The following EPDR1 variants were observed in gnomAD, a reference collection of about 807,000 sequenced individuals.
The protein encoded by EPDR1 is mammalian ependymin-related protein 1.
In EPDR1, 27 loss-of-function variants were observed where a neutral mutation model predicts 23.7. The observed-to-expected ratio is 1.14, with a 90% CI of 0.84 to 1.57. The LOEUF (loss-of-function observed/expected upper bound fraction) is 1.57. Among genes scored for constraint, EPDR1 ranks in the 40% most tolerant of loss-of-function variants. The pLI is 0.00. For missense variants in EPDR1, 349 were observed against 290.4 expected (o/e 1.20, Z -1.47); for synonymous variants, 137 against 118.2 (o/e 1.16, Z -1.03).
chr7:37,935,210 T>C (rs1302335754), intron 1 of EPDR1, among the ~76,000 whole-genome samples: 1 of 152,190 alleles, frequency 6.6e-6, no homozygotes, highest in Non-Finnish European at 1.5e-5. Context: ...TCAACCTCTA[T>C]ATTGAGAGAC....
At chr7:37,944,358 G>A (rs963036598) in intron 1 of EPDR1, among the ~76,000 whole-genome samples, 1 of 152,222 alleles carries the variant, frequency 6.6e-6, no homozygotes, top group Non-Finnish European at 1.5e-5. Flanking sequence ...GACACAGGTC[G>A]AGATGAAAGA....
At chr7:37,934,945 TA>T (rs35966595) in intron 1 of EPDR1, among the ~76,000 whole-genome samples, 4,114 of 151,132 alleles carry the variant, frequency 0.027, 88 homozygotes, top group East Asian at 0.089. Context: ...ACTTTGTCTT[TA>T]AAAAAAAAGT....
At chr7:37,931,667 G>A (rs1346568170) in intron 1 of EPDR1, among the ~76,000 whole-genome samples, 1 of 151,862 alleles carries the variant, frequency 6.6e-6, no homozygotes, top group Non-Finnish European at 1.5e-5. Flanking sequence ...TGTAGTTTTA[G>A]GGGAACTTTG....
At chr7:37,931,788 T>A (rs1367813469) in intron 1 of EPDR1, among the ~76,000 whole-genome samples, 1 of 152,170 alleles carries the variant, frequency 6.6e-6, no homozygotes, top group Non-Finnish European at 1.5e-5. Context: ...AACCTCCACC[T>A]CCTGGGTTCA....
rs373088558 is a variant in EPDR1, at chr7:37,921,212, C to T, written c.269+4C>T. The T allele has an allele frequency of 3.8e-6, 6 of 1,582,216 alleles. No homozygotes were observed. The South Asian group carries it at 5.6e-5, about 15-fold the overall frequency. ...AGGCGCTGATCCCCTGCAAGAGGTACAGGTCATCGGCCCGCGGGGCGGGAG... is the reference window on the plus strand; with the variant it reads ...AGGCGCTGATCCCCTGCAAGAGGTATAGGTCATCGGCCCGCGGGGCGGGAG... On this transcript the variant is annotated splice_donor_region_variant and intron_variant, in intron 1 of 2. Coordinates refer to ENST00000199448, the MANE Select transcript of EPDR1 (RefSeq NM_017549.5).
chr7:37,949,111 C>G lies in EPDR1; in HGVS notation c.478+63C>G, dbSNP rs1444450946. The stretch of plus-strand genomic sequence containing the variant: ...GCATGATGGGGAAAAAGGTTTAAGT[C>G]CTTTAAGGAAGGTAGTTTTTAGGGA... On this transcript the variant is annotated intron_variant, in intron 2 of 2. Transcript: ENST00000199448. 2.3e-5 allele frequency: 34 copies of G among 1,502,282 alleles called. No individual in the cohort carries two copies. The East Asian group carries it at 7.7e-4, about 34-fold the overall frequency. 93.1% of individuals were successfully genotyped at this position (1,502,282 alleles called of 1,614,324 possible).
intron 1 of EPDR1, among the ~76,000 whole-genome samples, chr7:37,933,377 G>A (rs1785981765): frequency 6.6e-6 from 1 of 152,124 alleles, no homozygotes; most frequent in African/African-American, 2.4e-5. Flanking sequence ...AGTTCTACAT[G>A]GATGGGAAGA....
rs150003640 is a variant in EPDR1, at chr7:37,938,781, G to A, written c.270-10059G>A. Among the ~76,000 whole-genome samples, 362 of 152,246 alleles carry A rather than the reference G, an allele frequency of 2.4e-3. 2 individuals carry two copies. The highest frequency in any genetic ancestry group is 8.4e-3 in the African/African-American group (347 of 41,528). The stretch of plus-strand genomic sequence containing the variant: ...GTGTAAAATTTCCATTGAAGGGTCT[G>A]CTCTTCTCTGCAGCTGATTGGGCCG... On this transcript the variant is annotated intron_variant, in intron 1 of 2. Coordinates refer to ENST00000199448, the MANE Select transcript of EPDR1 (RefSeq NM_017549.5).
In EPDR1 at chr7:37,934,415, G is replaced by T. The variant is rs1293633242; in HGVS notation, c.269+13207G>T. Among the ~76,000 whole-genome samples the T allele has an allele frequency of 3.3e-5, 5 of 151,782 alleles. No individual in the cohort carries two copies. In the East Asian group the frequency reaches 9.7e-4, roughly 29 times the overall value. On this transcript the variant is annotated intron_variant, in intron 1 of 2. Transcript: ENST00000199448. The stretch of plus-strand genomic sequence containing the variant: ...CAGTCAAAGACAGAAAGTGAAGGGA[G>T]TAGCTTCCCTAGAACAAGGACTCTC...
chr7:37,949,062 G>T lies in EPDR1; in HGVS notation c.478+14G>T, dbSNP rs1350084226. 4 of 1,611,904 alleles carry T rather than the reference G, an allele frequency of 2.5e-6. No individual in the cohort carries two copies. The highest frequency in any genetic ancestry group is 3.4e-6 in the Non-Finnish European group (4 of 1,177,996). On this transcript the variant is annotated intron_variant, in intron 2 of 2. Transcript: ENST00000199448. The stretch of plus-strand genomic sequence containing the variant: ...CAGCTAGATCCTGTAAGGGTTCAAA[G>T]AATCTAAGCATTGTATTCAGCATGC...
chr7:37,925,751 C>A (rs1417478954), intron 1 of EPDR1, among the ~76,000 whole-genome samples: 4 of 152,156 alleles, frequency 2.6e-5, no homozygotes, highest in Non-Finnish European at 5.9e-5. Context: ...GATACTAAAT[C>A]ACTTTTAGGC....
At chr7:37,921,399 C>A (rs10248138) in intron 1 of EPDR1, 191 bp downstream of exon 1, 265,250 of 1,388,378 alleles carry the variant, frequency 0.19, 27,533 homozygotes, top group South Asian at 0.4. Flanking sequence ...CTGCGCCCAC[C>A]GAGGGCGGCC....
At chr7:37,922,896 C>T (rs1785738689) in intron 1 of EPDR1, among the ~76,000 whole-genome samples, 1 of 152,132 alleles carries the variant, frequency 6.6e-6, no homozygotes, top group South Asian at 2.1e-4. Context: ...ACCCAGGCTT[C>T]CTGGAGGAGC....
At chr7:37,925,374 G>C (rs1367422940) in intron 1 of EPDR1, among the ~76,000 whole-genome samples, 2 of 152,144 alleles carry the variant, frequency 1.3e-5, no homozygotes, top group Non-Finnish European at 2.9e-5. Flanking sequence ...GCACAGTCTG[G>C]TATCTTGGAA....
chr7:37,928,649 A>C (rs1194642813), intron 1 of EPDR1, among the ~76,000 whole-genome samples: 1 of 152,168 alleles, frequency 6.6e-6, no homozygotes, highest in Non-Finnish European at 1.5e-5. Context: ...CACTGTCTTC[A>C]CTTGGCTTTC....
intron 1 of EPDR1, among the ~76,000 whole-genome samples, chr7:37,923,510 G>T (rs1015593944): frequency 6.6e-6 from 1 of 152,062 alleles, no homozygotes; most frequent in Admixed American, 6.6e-5. Flanking sequence ...TCTAATTAAG[G>T]GTGCATTGGT....
At chr7:37,936,982 G>C (rs1645941110) in intron 1 of EPDR1, among the ~76,000 whole-genome samples, 1 of 152,046 alleles carries the variant, frequency 6.6e-6, no homozygotes, top group Non-Finnish European at 1.5e-5. Context: ...CACAAGAGGA[G>C]GACTAGTAAA....
intron 1 of EPDR1, among the ~76,000 whole-genome samples, chr7:37,922,453 G>A (rs1212686251): frequency 5.3e-5 from 8 of 152,114 alleles, no homozygotes; most frequent in Admixed American, 5.2e-4. Context: ...GGTCTTGAAG[G>A]GCACAGTAAT....
chr7:37,937,218 T>A (rs1199236510), intron 1 of EPDR1, among the ~76,000 whole-genome samples: 1 of 152,144 alleles, frequency 6.6e-6, no homozygotes, highest in Non-Finnish European at 1.5e-5. Flanking sequence ...TGAATCCACA[T>A]CTCACACCGT....
Sources: allele counts gnomAD v4.1 joint callset (sites outside exome capture counted in the v4.1 genomes callset), GRCh38; gene constraint gnomAD v4.1.1; transcripts MANE v1.5; gene names NCBI Gene and HGNC (gene_info 2026-07-23, HGNC 2026-07-21).